The following SEC16A variants were observed in gnomAD, a reference collection of about 807,000 sequenced individuals.
The protein encoded by SEC16A is SEC16 homolog A, endoplasmic reticulum export factor.
Under a neutral mutation model 221.9 loss-of-function variants are expected in SEC16A, and 110 were observed. That is an observed-to-expected ratio of 0.50 (90% CI 0.42 to 0.58). SEC16A has a LOEUF of 0.58. Ranked by LOEUF, SEC16A falls within the 20% of genes least tolerant of loss-of-function variation. The pLI is 0.00. For synonymous variants in SEC16A, 1,393 were observed against 1,257.7 expected (o/e 1.11, Z -2.28); for missense variants, 3,165 against 3,097.8 (o/e 1.02, Z -0.52).
At position 136,447,580 on chromosome 9, in the gene SEC16A, G is replaced by A. The variant is rs774744505; in HGVS notation, c.6548C>T (p.Ser2183Phe). Residue 2183 changes from serine to phenylalanine, a missense_variant, in exon 26 of 32, where the codon TCT becomes TTT. This residue lies in a region of SEC16A where 1,088 missense variants were observed against 1,089.6 expected (regional missense o/e 1.00). Transcript: ENST00000684901. This position sits in a 1 kb window ranked among gnomAD's most constrained non-coding sequence, Gnocchi z 5.5. ...GPPGAPVNMY[S>F]RRAAGTRARY... is the part of the protein sequence containing the mutation. ...AAGGCCACCCTTACCTGCTCTTCTAGAGTACATGTTCACGGGGGCTCCAGG... is the reference window on the plus strand; with the variant it reads ...AAGGCCACCCTTACCTGCTCTTCTAAAGTACATGTTCACGGGGGCTCCAGG... The A allele has an allele frequency of 1.9e-6, 3 of 1,612,608 alleles. No homozygotes were observed. The highest frequency in any genetic ancestry group is 1.1e-5 in the South Asian group (1 of 91,062).
At chr9:136,469,314 G>A (rs1011749139) in intron 4 of SEC16A, among the ~76,000 whole-genome samples, 1 of 152,218 alleles carries the variant, frequency 6.6e-6, no homozygotes, top group Non-Finnish European at 1.5e-5. Context: ...CAGGTCTCCT[G>A]GAGCTGACGT....
intron 4 of SEC16A, among the ~76,000 whole-genome samples, chr9:136,470,911 C>CA (rs1840765152): frequency 6.6e-6 from 1 of 152,220 alleles, no homozygotes; most frequent in African/African-American, 2.4e-5. Context: ...TCACAAGGAG[C>CA]AAGTGCAGCT....
At chr9:136,455,987 T>C in intron 19 of SEC16A, 66 bp downstream of exon 19, 12 of 1,343,918 alleles carry the variant, frequency 8.9e-6, no homozygotes, top group Non-Finnish European at 1.3e-5. Context: ...ACTTTCAGTG[T>C]GGAAATGACA....
In SEC16A at chr9:136,446,869, C is replaced by G; in HGVS notation, c.6778G>C (p.Ala2260Pro). 6.2e-7 allele frequency: 1 copy of G among 1,606,982 alleles called. No homozygotes were observed. The highest frequency in any genetic ancestry group is 1.1e-5 in the South Asian group (1 of 90,098). ...TACCCGCTCACCTTGGGCTCTGGGG[C>G]AGGCTCTGGATTGGCCAGGCCCCTA... Reference protein sequence around the residue: ...AARGLANPEPAPEPKVLSSAA... With the variant: ...AARGLANPEPPPEPKVLSSAA... Residue 2260 changes from alanine to proline, a missense_variant, in exon 28 of 32, where the codon GCC becomes CCC. Ala to Pro is a conservative substitution (Grantham distance 27, BLOSUM62 -1). Transcript: ENST00000684901.
rs1373236372 is a variant in SEC16A, at chr9:136,475,770, A to G, written c.1846T>C (p.Ser616Pro). ...SANSSFEPVK[S>P]HLVGVKPFEA... is the part of the protein sequence containing the mutation. Reference sequence around the variant, plus strand: ...AATGGTTTTACCCCAACTAAGTGAGATTTTACCGGTTCGAAAGAACTATTT... The same window carrying G: ...AATGGTTTTACCCCAACTAAGTGAGGTTTTACCGGTTCGAAAGAACTATTT... The change falls in exon 3 of 32, where the codon TCT becomes CCT. Residue 616 changes from serine to proline, a missense_variant. Around this residue, in one of 3 missense-constraint regions of SEC16A, gnomAD observed 2,030 missense variants for 1,923.1 expected, o/e 1.06. Coordinates refer to ENST00000684901, the MANE Select transcript of SEC16A (RefSeq NM_014866.2). The surrounding 1 kb of genome is among the most constrained non-coding windows in gnomAD (Gnocchi z 5.0). The G allele has an allele frequency of 5.6e-6, 9 of 1,600,554 alleles. No individual in the cohort carries two copies. The South Asian group carries it at 1.0e-4, about 18-fold the overall frequency.
Position 136,459,685 on chromosome 9 carries a change from C to T in SEC16A, c.5191+72G>A, listed in dbSNP as rs868683021. ...AAGGCCGGGTTCTGGTGATTTCTGC[C>T]AACGCCACAGACAACCGGGCCTTCG... On this transcript the variant is annotated intron_variant, in intron 15 of 31. Coordinates refer to ENST00000684901, the MANE Select transcript of SEC16A (RefSeq NM_014866.2). This position sits in a 1 kb window ranked among gnomAD's most constrained non-coding sequence, Gnocchi z 6.1. 3.9e-5 allele frequency: 55 copies of T among 1,417,834 alleles called. 1 individual carries two copies. The South Asian group carries it at 5.9e-4, about 15-fold the overall frequency. 87.8% of individuals were successfully genotyped at this position (1,417,834 alleles called of 1,614,324 possible).
chr9:136,456,802 C>G (rs777848769), intron 18 of SEC16A, among the ~76,000 whole-genome samples: 25 of 152,218 alleles, frequency 1.6e-4, no homozygotes, highest in Non-Finnish European at 3.5e-4. Flanking sequence ...AGCAGTACAG[C>G]CAGGACTCAA....
chr9:136,464,611 C>T lies in SEC16A; in HGVS notation c.4304-49G>A, dbSNP rs368088452. 9.2e-5 allele frequency: 140 copies of T among 1,513,906 alleles called. No individual in the cohort carries two copies. In the African/African-American group the frequency reaches 1.3e-3, roughly 14 times the overall value. The allele number at this position is 1,513,906 out of a possible 1,614,324, so 93.8% of individuals were successfully genotyped here. A position where few individuals can be genotyped will look rare whatever the true frequency, so the allele number is the denominator to read the frequency against. On this transcript the variant is annotated intron_variant, in intron 8 of 31. Coordinates refer to ENST00000684901, the MANE Select transcript of SEC16A (RefSeq NM_014866.2). ...AGAAACAATCAGCTTGTCACTGATG[C>T]TTCTGAGCCTAGATTTTCAATGTGC...
upstream of SEC16A, among the ~76,000 whole-genome samples, chr9:136,483,210 T>TCATCCCTCTGTCCCGCCC (rs1842643140): frequency 3.4e-5 from 1 of 29,414 alleles, no homozygotes; most frequent in Non-Finnish European, 6.6e-5. Context: ...CCTCCCCGCC[T>TCATCCCTCTGTCCCGCCC]CATCCCTCTG....
intron 28 of SEC16A, among the ~76,000 whole-genome samples, chr9:136,446,600 T>C (rs549843490): frequency 2.4e-4 from 36 of 152,288 alleles, no homozygotes; most frequent in Non-Finnish European, 4.1e-4. Flanking sequence ...ATTTTTAAGT[T>C]TTAAGCACAT....
chr9:136,462,106 AAAAAAAATTAAAAAT>A (rs1839563446), intron 12 of SEC16A, among the ~76,000 whole-genome samples: 2 of 151,938 alleles, frequency 1.3e-5, no homozygotes, highest in Admixed American at 6.6e-5. Context: ...ACCCTGTCTC[AAAAAAAATTAAAAAT>A]AAAAAAATAA....
At chr9:136,455,874 C>T in intron 19 of SEC16A, 81 bp from the exon 20 acceptor site, 6 of 1,398,806 alleles carry the variant, frequency 4.3e-6, no homozygotes, top group Non-Finnish European at 5.8e-6. Context: ...ACCGCGCTTG[C>T]TGTGTCCCTA....
Position 136,474,282 on chromosome 9 carries a change from G to T in SEC16A, c.3334C>A (p.Leu1112Met). The T allele has an allele frequency of 6.2e-7, 1 of 1,608,418 alleles. No homozygotes were observed. Reference sequence around the variant, plus strand: ...GAGGACTGAGGAGGCCGAGGGGGCAGCTGCTGACCCGCGTCGACCAGAACC... The same window carrying T: ...GAGGACTGAGGAGGCCGAGGGGGCATCTGCTGACCCGCGTCGACCAGAACC... ...SLVLVDAGQQLPPRPPQSSSV... is the reference protein window; with the variant it reads ...SLVLVDAGQQMPPRPPQSSSV... Residue 1112 changes from leucine to methionine, a missense_variant, in exon 3 of 32, where the codon CTG becomes ATG. Leu to Met is a conservative substitution (Grantham distance 15, BLOSUM62 2). This residue lies in a region of SEC16A where 2,030 missense variants were observed against 1,923.1 expected (regional missense o/e 1.06). Transcript: ENST00000684901.
Position 136,476,535 on chromosome 9 carries a change from G to A in SEC16A, c.1081C>T (p.Pro361Ser), listed in dbSNP as rs187613986. The A allele has an allele frequency of 4.8e-4, 766 of 1,612,220 alleles. 3 individuals carry two copies. The African/African-American group carries it at 6.7e-3, about 14-fold the overall frequency. ...LGAGAGSGCAPLEADSGASGA... is the reference protein window; with the variant it reads ...LGAGAGSGCASLEADSGASGA... Reference sequence around the variant, plus strand: ...GAAGCTCCTGAGTCTGCTTCTAGCGGGGCACAGCCAGACCCGGCCCCAGCC... The same window carrying A: ...GAAGCTCCTGAGTCTGCTTCTAGCGAGGCACAGCCAGACCCGGCCCCAGCC... Residue 361 changes from proline to serine, a missense_variant, in exon 3 of 32, where the codon CCG becomes TCG. Coordinates refer to ENST00000684901, the MANE Select transcript of SEC16A (RefSeq NM_014866.2).
chr9:136,454,304 G>A lies in SEC16A; in HGVS notation c.5881C>T (p.Pro1961Ser), dbSNP rs1312012420. ...PSAPQTLPDGPLASPARVPMF... is the reference protein window; with the variant it reads ...PSAPQTLPDGSLASPARVPMF... ...GGCACTCTGGCAGGACTGGCCAATG[G>A]GCCGTCAGGGAGCGTCTGCGGAGCT... The change falls in exon 21 of 32, where the codon CCA becomes TCA. Residue 1961 changes from proline to serine, a missense_variant. Physicochemically the swap from Pro to Ser is moderately conservative, Grantham distance 74 (BLOSUM62 -1). Transcript: ENST00000684901. The A allele has an allele frequency of 6.3e-7, 1 of 1,580,588 alleles. No individual in the cohort carries two copies. Among genetic ancestry groups the A allele is most frequent in the Non-Finnish European group, 8.6e-7 (1 of 1,163,840 alleles).
At chr9:136,470,437 G>A (rs1357226480) in intron 4 of SEC16A, among the ~76,000 whole-genome samples, 2 of 152,232 alleles carry the variant, frequency 1.3e-5, no homozygotes, top group African/African-American at 2.4e-5. Context: ...CCGTGCTCTC[G>A]CCTCTCAGGG....
chr9:136,465,687 G>T (rs1285660387), intron 8 of SEC16A, among the ~76,000 whole-genome samples: 1 of 152,218 alleles, frequency 6.6e-6, no homozygotes, highest in Admixed American at 6.5e-5. Context: ...ATCAGGGGCT[G>T]CCCAGAGCCT....
Position 136,459,602 on chromosome 9 carries a change from G to A in SEC16A, c.5192-47C>T. On this transcript the variant is annotated intron_variant, in intron 15 of 31. Transcript: ENST00000684901. The surrounding 1 kb of genome is among the most constrained non-coding windows in gnomAD (Gnocchi z 6.1). The stretch of plus-strand genomic sequence containing the variant: ...CACGGCGGGGGCTCAGCGACCGGGA[G>A]CGCTTGCAGAAGTCAAGGACGCGCA... 1 of 1,479,278 alleles carries A rather than the reference G, an allele frequency of 6.8e-7. No individual in the cohort carries two copies. The highest frequency in any genetic ancestry group is 9.2e-7 in the Non-Finnish European group (1 of 1,082,864). The allele number at this position is 1,479,278 out of a possible 1,614,324, so 91.6% of individuals were successfully genotyped here.
chr9:136,451,933 G>C (rs1358714565), intron 22 of SEC16A, among the ~76,000 whole-genome samples: 2 of 152,306 alleles, frequency 1.3e-5, no homozygotes, highest in East Asian at 3.9e-4. Context: ...GCCCGTGAAG[G>C]GCTGGGTATC....
Sources: allele counts gnomAD v4.1 joint callset (sites outside exome capture counted in the v4.1 genomes callset), GRCh38; gene constraint gnomAD v4.1.1; regional missense constraint gnomAD v4.1.1; non-coding constraint Gnocchi (gnomAD v3.1); transcripts MANE v1.5; gene names NCBI Gene and HGNC (gene_info 2026-07-23, HGNC 2026-07-21).